GPHN: variants seen among roughly 807,000 people sequenced by gnomAD.
GPHN encodes the protein gephyrin.
A neutral mutation model predicts 95.5 loss-of-function variants in GPHN; 17 were observed. The observed-to-expected ratio is 0.18, with a 90% CI of 0.12 to 0.27. The LOEUF (loss-of-function observed/expected upper bound fraction) is 0.27. GPHN is among the 10% of genes least tolerant of loss of function. The probability of loss-of-function intolerance (pLI) is 1.00; values close to 1 mark genes in which losing one functional copy is unlikely to be tolerated. For missense variants in GPHN, 660 were observed against 978.1 expected (o/e 0.67, Z 4.34); for synonymous variants, 320 against 322.5 (o/e 0.99, Z 0.08).
the GPHN span, among the ~76,000 whole-genome samples, chr14:67,466,461 G>A: frequency 2.0e-5 from 3 of 152,208 alleles, no homozygotes; most frequent in Admixed American, 1.3e-4. Context: ...GCTCTATGGT[G>A]GTGGGCACAG....
the GPHN span, chr14:67,374,451 A>G: frequency 7.1e-6 from 11 of 1,553,990 alleles, no homozygotes; most frequent in Non-Finnish European, 9.7e-6. Flanking sequence ...TGATTTTTTC[A>G]CAATTTTTTT....
chr14:66,608,114 A>C (rs749109119), intron 1 of GPHN, among the ~76,000 whole-genome samples: 1 of 150,646 alleles, frequency 6.6e-6, no homozygotes, highest in Admixed American at 6.6e-5. Flanking sequence ...TTTTTGATGA[A>C]TGCATTTGGC....
At chr14:66,697,325 T>C (rs922309047) in intron 2 of GPHN, among the ~76,000 whole-genome samples, 6 of 152,232 alleles carry the variant, frequency 3.9e-5, no homozygotes, top group African/African-American at 9.6e-5. Context: ...ATGTAGTACG[T>C]TGTGTGACTT....
At chr14:67,612,762 C>A in the GPHN span, among the ~76,000 whole-genome samples, 1 of 151,934 alleles carries the variant, frequency 6.6e-6, no homozygotes, top group African/African-American at 2.4e-5. Context: ...TGTGGTGAGA[C>A]CCTCCCCATC....
At chr14:66,518,255 A>G (rs375999196) in intron 1 of GPHN, among the ~76,000 whole-genome samples, 181 of 152,288 alleles carry the variant, frequency 1.2e-3, no homozygotes, top group African/African-American at 4.0e-3. Context: ...ATCATTAATC[A>G]TCAGGAAAAT....
In GPHN at chr14:67,028,682, T is replaced by C. The variant is rs1180175118; in HGVS notation, c.1006+5007T>C. ...ATGTCCTCTTTTGAGAGATGTCTAT[T>C]CAGCTAATTTGATTACTTTTTAATG... On this transcript the variant is annotated intron_variant, in intron 10 of 22. Coordinates refer to ENST00000478722, the MANE Select transcript of GPHN (RefSeq NM_020806.5). 2.0e-5 allele frequency among the ~76,000 whole-genome samples: 3 copies of C among 152,214 alleles called. No individual in the cohort carries two copies. In the East Asian group the frequency reaches 5.8e-4, roughly 29 times the overall value.
intron 2 of GPHN, among the ~76,000 whole-genome samples, chr14:66,702,806 C>T (rs977462786): frequency 9.2e-5 from 14 of 152,104 alleles, no homozygotes; most frequent in Non-Finnish European, 1.9e-4. Flanking sequence ...GACAAACTAA[C>T]AGGAGTAGTC....
At chr14:66,809,605 G>A (rs1314707301) in intron 3 of GPHN, among the ~76,000 whole-genome samples, 2 of 152,206 alleles carry the variant, frequency 1.3e-5, no homozygotes, top group East Asian at 3.9e-4. Context: ...ACGACTATTA[G>A]GAGTCTCTAT....
the GPHN span, chr14:67,620,952 G>C: frequency 1.9e-6 from 3 of 1,614,112 alleles, no homozygotes; most frequent in South Asian, 2.2e-5. Context: ...TTGATGAAAA[G>C]GCTCTCCAGT....
the GPHN span, among the ~76,000 whole-genome samples, chr14:67,699,589 CAAAAAAAAAA>C: frequency 2.6e-3 from 130 of 50,818 alleles, 1 homozygote; most frequent in African/African-American, 9.9e-3. Flanking sequence ...GACCCTATCT[CAAAAAAAAAA>C]AAAAAAAAAA....
chr14:66,952,623 A>G (rs1450800043), intron 8 of GPHN, among the ~76,000 whole-genome samples: 2 of 152,172 alleles, frequency 1.3e-5, no homozygotes, highest in Non-Finnish European at 1.5e-5. Context: ...ATAGAGCTGC[A>G]TCATTTTACA....
chr14:66,714,790 GTA>G (rs1372455653), intron 2 of GPHN, among the ~76,000 whole-genome samples: 1 of 152,082 alleles, frequency 6.6e-6, no homozygotes, highest in East Asian at 1.9e-4. Flanking sequence ...ATTGACTTGT[GTA>G]TGTTAAACCA....
chr14:67,133,795 C>T (rs774294611), intron 17 of GPHN, among the ~76,000 whole-genome samples: 12 of 152,210 alleles, frequency 7.9e-5, no homozygotes, highest in South Asian at 2.1e-4. Context: ...CTATTAAGTG[C>T]GTGGTTCTTT....
At chr14:66,559,641 C>T (rs2060148177) in intron 1 of GPHN, among the ~76,000 whole-genome samples, 1 of 151,712 alleles carries the variant, frequency 6.6e-6, no homozygotes, top group Non-Finnish European at 1.5e-5. Flanking sequence ...GGATATTAGC[C>T]CCTTGTCAGA....
the GPHN span, chr14:67,692,567 C>G: frequency 5.0e-6 from 8 of 1,602,444 alleles, no homozygotes; most frequent in Non-Finnish European, 6.8e-6. Flanking sequence ...TTTTCCACAT[C>G]CCGGCAAGCT....
intron 1 of GPHN, among the ~76,000 whole-genome samples, chr14:66,539,140 C>T (rs1033191050): frequency 5.9e-5 from 9 of 152,052 alleles, no homozygotes; most frequent in Non-Finnish European, 8.8e-5. Flanking sequence ...GAGATTAGCC[C>T]GGTAATCTCT....
intron 10 of GPHN, among the ~76,000 whole-genome samples, chr14:67,055,750 G>A (rs777597045): frequency 5.3e-5 from 8 of 152,208 alleles, no homozygotes; most frequent in East Asian, 1.9e-4. Context: ...GAATGAAGCC[G>A]CGGACCCTCG....
intron 4 of GPHN, among the ~76,000 whole-genome samples, chr14:66,830,726 A>G (rs2061551207): frequency 6.6e-6 from 1 of 152,140 alleles, no homozygotes; most frequent in African/African-American, 2.4e-5. Flanking sequence ...TGACTTAGGA[A>G]AAGACTCTGA....
At chr14:67,691,592 T>A in the GPHN span, 1 of 216,142 alleles carries the variant, frequency 4.6e-6, no homozygotes, top group Non-Finnish European at 9.3e-6. Context: ...AAAAAGAATG[T>A]TCTCTATGTA....
Sources: allele counts gnomAD v4.1 joint callset (sites outside exome capture counted in the v4.1 genomes callset), GRCh38; gene constraint gnomAD v4.1.1; transcripts MANE v1.5; gene names NCBI Gene and HGNC (gene_info 2026-07-23, HGNC 2026-07-21).